PCDHA3: variants seen among roughly 807,000 people sequenced by gnomAD.
PCDHA3 encodes protocadherin alpha 3, also known as protocadherin alpha-3.
Under a neutral mutation model 62.2 loss-of-function variants are expected in PCDHA3, and 41 were observed. That is an observed-to-expected ratio of 0.66 (90% CI 0.51 to 0.86). PCDHA3 has a LOEUF of 0.86. Among genes scored for constraint, PCDHA3 ranks in the 40% least tolerant of loss-of-function variants. PCDHA3 has a pLI of 0.00. For missense variants in PCDHA3, 1,304 were observed against 1,241.2 expected (o/e 1.05, Z -0.76); for synonymous variants, 640 against 555.4 (o/e 1.15, Z -2.14).
chr5:140,833,497 T>C (rs1189966993), intron 1 of PCDHA3, among the ~76,000 whole-genome samples: 6 of 152,168 alleles, frequency 3.9e-5, no homozygotes, highest in Non-Finnish European at 7.4e-5. Flanking sequence ...ATATTTGAGA[T>C]TGTAAAAATA....
At chr5:140,856,210 G>C (rs556174610) in intron 1 of PCDHA3, 1 of 1,598,116 alleles carries the variant, frequency 6.3e-7, no homozygotes, top group African/African-American at 1.3e-5. Context: ...TGGGGCTGGA[G>C]CTGGCGGAGC....
intron 1 of PCDHA3, among the ~76,000 whole-genome samples, chr5:140,818,242 A>G (rs1413023462): frequency 2.0e-5 from 3 of 152,016 alleles, no homozygotes; most frequent in Non-Finnish European, 4.4e-5. Context: ...TTTATGTGCC[A>G]TTTCTGTTTT....
chr5:141,008,375 C>T (rs77600037), intron 3 of PCDHA3, among the ~76,000 whole-genome samples: 2,306 of 152,234 alleles, frequency 0.015, 24 homozygotes, highest in Middle Eastern at 0.031. Flanking sequence ...GTGTTAGATA[C>T]ATAAACATTG....
chr5:140,885,873 T>A (rs1365119411), intron 1 of PCDHA3, among the ~76,000 whole-genome samples: 3 of 152,154 alleles, frequency 2.0e-5, no homozygotes, highest in Admixed American at 6.5e-5. Flanking sequence ...TGAAAAAAAA[T>A]TTTTAGTTTC....
In PCDHA3 at chr5:140,936,501, T is replaced by A. The variant is rs192125282; in HGVS notation, c.2395-42448T>A. On this transcript the variant is annotated intron_variant, in intron 1 of 3. Transcript: ENST00000522353. ...AGCTTTCTTGTTTTAACTTGCACATTTAGATCTTAAATTACCTGAAATTGC... is the reference window on the plus strand; with the variant it reads ...AGCTTTCTTGTTTTAACTTGCACATATAGATCTTAAATTACCTGAAATTGC... Among the ~76,000 whole-genome samples, 509 of 152,360 alleles carry A rather than the reference T, an allele frequency of 3.3e-3. 1 individual carries two copies. Among genetic ancestry groups the A allele is most frequent in the African/African-American group, 0.011 (472 of 41,592 alleles).
intron 1 of PCDHA3, chr5:140,834,420 C>T: frequency 6.2e-7 from 1 of 1,612,394 alleles, no homozygotes; most frequent in East Asian, 2.2e-5. Context: ...AGGGGGCCGA[C>T]ATCTACTGCT....
At chr5:140,937,788 T>C (rs2091751340) in intron 1 of PCDHA3, among the ~76,000 whole-genome samples, 1 of 149,320 alleles carries the variant, frequency 6.7e-6, no homozygotes, top group African/African-American at 2.5e-5. Flanking sequence ...GGCGGGCGTA[T>C]GTAGTCCCAG....
intron 1 of PCDHA3, among the ~76,000 whole-genome samples, chr5:140,952,538 T>C (rs558395294): frequency 6.6e-6 from 1 of 152,256 alleles, no homozygotes; most frequent in South Asian, 2.1e-4. Flanking sequence ...AGACTGGACT[T>C]CTTTGTCCAT....
At chr5:140,924,987 TC>T (rs1458982480) in intron 1 of PCDHA3, among the ~76,000 whole-genome samples, 4 of 151,232 alleles carry the variant, frequency 2.6e-5, no homozygotes, top group Admixed American at 6.6e-5. Context: ...ATGTCTGTAA[TC>T]CTAGCACTTT....
intron 3 of PCDHA3, among the ~76,000 whole-genome samples, chr5:140,993,102 C>T (rs979360910): frequency 2.6e-5 from 4 of 152,272 alleles, no homozygotes; most frequent in South Asian, 4.1e-4. Flanking sequence ...GTTTATTCAG[C>T]GGTCAGTGTC....
intron 1 of PCDHA3, among the ~76,000 whole-genome samples, chr5:140,896,899 C>T (rs191660343): frequency 1.4e-4 from 21 of 152,112 alleles, no homozygotes; most frequent in Admixed American, 1.4e-3. Flanking sequence ...CATTTTGATA[C>T]AAGCATGCAA....
intron 1 of PCDHA3, chr5:140,928,749 T>A: frequency 1.2e-6 from 2 of 1,614,194 alleles, no homozygotes; most frequent in Non-Finnish European, 1.7e-6. Flanking sequence ...GTGAGCTCCG[T>A]ACTGCTCGCT....
intron 1 of PCDHA3, among the ~76,000 whole-genome samples, chr5:140,961,312 A>G (rs2095603612): frequency 6.6e-6 from 1 of 152,156 alleles, no homozygotes; most frequent in Non-Finnish European, 1.5e-5. Context: ...ATGATTTACC[A>G]GGCTCTGTTT....
intron 3 of PCDHA3, among the ~76,000 whole-genome samples, chr5:140,992,085 TAGAGAA>T (rs1253503619): frequency 1.4e-5 from 2 of 146,836 alleles, no homozygotes; most frequent in Non-Finnish European, 3.0e-5. Flanking sequence ...TGAGCTAGAG[TAGAGAA>T]AGAGAATTAA....
intron 1 of PCDHA3, chr5:140,877,293 G>C (rs782717737): frequency 1.2e-6 from 2 of 1,613,936 alleles, no homozygotes; most frequent in Non-Finnish European, 1.7e-6. Context: ...ACGCTTGGCT[G>C]TCCTACGAGT....
At chr5:140,997,986 A>C (rs1554256110) in intron 3 of PCDHA3, among the ~76,000 whole-genome samples, 2 of 152,186 alleles carry the variant, frequency 1.3e-5, no homozygotes, top group African/African-American at 4.8e-5. Flanking sequence ...CACTTGTTAC[A>C]TACTTCCCTC....
intron 1 of PCDHA3, chr5:140,876,048 T>C (rs376201695): frequency 6.2e-7 from 1 of 1,613,930 alleles, no homozygotes. Context: ...GTATATTGCC[T>C]GAATTAGTTC....
Position 140,823,500 on chromosome 5 carries a change from A to G in PCDHA3, c.2394+19909A>G, listed in dbSNP as rs1016664951. 8 of 1,613,208 alleles carry G rather than the reference A, an allele frequency of 5.0e-6. No individual in the cohort carries two copies. The Admixed American group carries it at 5.0e-5, about 10-fold the overall frequency. On this transcript the variant is annotated intron_variant, in intron 1 of 3. Transcript: ENST00000522353. ...CTCGAGTGGGTGGCACCGGCGGCGCAGTGAGCGAGCTGGTGCCGAGGTCAG... is the reference window on the plus strand; with the variant it reads ...CTCGAGTGGGTGGCACCGGCGGCGCGGTGAGCGAGCTGGTGCCGAGGTCAG...
At chr5:140,812,224 A>C (rs1329241835) in intron 1 of PCDHA3, 1 of 151,604 alleles carries the variant, frequency 6.6e-6, no homozygotes, top group Non-Finnish European at 1.5e-5. Context: ...TAGATTTTTT[A>C]TGATTATGTC....
Sources: allele counts gnomAD v4.1 joint callset (sites outside exome capture counted in the v4.1 genomes callset), GRCh38; gene constraint gnomAD v4.1.1; transcripts MANE v1.5; gene names NCBI Gene and HGNC (gene_info 2026-07-23, HGNC 2026-07-21).